The following SUPT3H variants were observed in gnomAD, a reference collection of about 807,000 sequenced individuals.
SUPT3H encodes the protein SPT3 homolog, SAGA and STAGA complex component.
A neutral mutation model predicts 44.3 loss-of-function variants in SUPT3H; 44 were observed. That is an observed-to-expected ratio of 0.99 (90% confidence interval 0.78 to 1.28). The LOEUF is 1.28. SUPT3H is among the 50% of genes most tolerant of loss of function. The pLI is 0.00. For missense variants in SUPT3H, 380 were observed against 387.1 expected, an observed-to-expected ratio of 0.98 and a Z score of 0.15; for synonymous variants, 124 against 125.6, an observed-to-expected ratio of 0.99 and a Z score of 0.09.
At chr6:45,324,832 A>G (rs114728934) in intron 2 of SUPT3H, among the ~76,000 whole-genome samples, 2,652 of 152,130 alleles carry the variant, frequency 0.017, 49 homozygotes, top group South Asian at 0.085. Context: ...AAAGTACTAC[A>G]AAACAATGCC....
chr6:45,247,933 T>C (rs1034344117), intron 2 of SUPT3H, among the ~76,000 whole-genome samples: 10 of 152,092 alleles, frequency 6.6e-5, no homozygotes, highest in Non-Finnish European at 1.5e-5. Flanking sequence ...ATATAGTCAA[T>C]TGACTGTTCA....
intron 2 of SUPT3H, among the ~76,000 whole-genome samples, chr6:45,115,298 T>A (rs1187707371): frequency 6.6e-6 from 1 of 152,140 alleles, no homozygotes; most frequent in Admixed American, 6.5e-5. Context: ...TTTTGTACCA[T>A]CAGATCTTTA....
chr6:45,059,011 G>C (rs190521786), intron 3 of SUPT3H, among the ~76,000 whole-genome samples: 47 of 152,152 alleles, frequency 3.1e-4, no homozygotes, highest in African/African-American at 1.1e-3. Context: ...TTATAATATA[G>C]GTGTAAGATA....
chr6:45,124,177 A>G (rs1263106301), intron 2 of SUPT3H, among the ~76,000 whole-genome samples: 1 of 152,238 alleles, frequency 6.6e-6, no homozygotes, highest in Non-Finnish European at 1.5e-5. Flanking sequence ...GTATTTGAGT[A>G]AGAGCTTGAG....
At chr6:45,183,072 C>T (rs1204084699) in intron 2 of SUPT3H, among the ~76,000 whole-genome samples, 1 of 152,160 alleles carries the variant, frequency 6.6e-6, no homozygotes, top group Non-Finnish European at 1.5e-5. Flanking sequence ...GTGGCAACAA[C>T]CTAAGTGTCA....
At chr6:44,913,726 A>G (rs1767401721) in intron 10 of SUPT3H, among the ~76,000 whole-genome samples, 2 of 152,246 alleles carry the variant, frequency 1.3e-5, no homozygotes, top group Admixed American at 6.5e-5. Context: ...GAGAACACAC[A>G]TTCATCTAAC....
At chr6:45,149,844 T>C (rs563366661) in intron 2 of SUPT3H, among the ~76,000 whole-genome samples, 126 of 152,330 alleles carry the variant, frequency 8.3e-4, no homozygotes, top group Non-Finnish European at 1.6e-3. Context: ...CCCATCCTTA[T>C]TCAGCGATAC....
chr6:45,205,270 C>T (rs1168716667), intron 2 of SUPT3H, among the ~76,000 whole-genome samples: 2 of 151,996 alleles, frequency 1.3e-5, no homozygotes, highest in Non-Finnish European at 2.9e-5. Flanking sequence ...AGTAGTATGC[C>T]CTAAGTTACT....
intron 6 of SUPT3H, among the ~76,000 whole-genome samples, chr6:44,985,217 A>AAAT (rs1252264143): frequency 2.4e-5 from 3 of 126,466 alleles, no homozygotes; most frequent in African/African-American, 9.0e-5. Context: ...ATAAATAAAT[A>AAAT]AAATAAAATA....
At chr6:45,308,689 T>C (rs1783483073) in intron 2 of SUPT3H, among the ~76,000 whole-genome samples, 1 of 149,470 alleles carries the variant, frequency 6.7e-6, no homozygotes, top group African/African-American at 2.5e-5. Flanking sequence ...CATGTAAACA[T>C]ATGTAAGAAA....
chr6:45,172,235 G>A (rs1015597945), intron 2 of SUPT3H, among the ~76,000 whole-genome samples: 5 of 151,612 alleles, frequency 3.3e-5, no homozygotes, highest in African/African-American at 1.2e-4. Context: ...ACCACGCCCA[G>A]CTAATTTTTG....
chr6:45,164,283 TAAAG>T (rs1424934632), intron 2 of SUPT3H, among the ~76,000 whole-genome samples: 3 of 152,164 alleles, frequency 2.0e-5, no homozygotes, highest in Non-Finnish European at 4.4e-5. Context: ...TTTTGTTAAA[TAAAG>T]AGAGACTCTA....
intron 10 of SUPT3H, among the ~76,000 whole-genome samples, chr6:44,919,518 C>A (rs1039624873): frequency 6.6e-6 from 1 of 151,040 alleles, no homozygotes; most frequent in Admixed American, 6.6e-5. Context: ...CCACCCTTAA[C>A]CAGGATATCC....
chr6:44,814,314 T>C (rs944840191), intron 11 of SUPT3H, among the ~76,000 whole-genome samples: 1 of 152,064 alleles, frequency 6.6e-6, no homozygotes, highest in African/African-American at 2.4e-5. Flanking sequence ...TATTTAAGGG[T>C]ATATGTTCAC....
chr6:45,276,421 T>G (rs978581869), intron 2 of SUPT3H, among the ~76,000 whole-genome samples: 1 of 152,120 alleles, frequency 6.6e-6, no homozygotes, highest in Non-Finnish European at 1.5e-5. Flanking sequence ...AAATAGTTAT[T>G]GTTCATTTGC....
At chr6:45,070,596 C>A (rs1358150053) in intron 3 of SUPT3H, among the ~76,000 whole-genome samples, 1 of 151,930 alleles carries the variant, frequency 6.6e-6, no homozygotes, top group South Asian at 2.1e-4. Context: ...AAAAAATTGG[C>A]CGGGCATGGC....
intron 3 of SUPT3H, among the ~76,000 whole-genome samples, chr6:45,025,974 A>C (rs1324458515): frequency 6.6e-6 from 1 of 152,094 alleles, no homozygotes; most frequent in Non-Finnish European, 1.5e-5. Flanking sequence ...CTTCCATTGC[A>C]GCTCTTTCTT....
intron 3 of SUPT3H, among the ~76,000 whole-genome samples, chr6:45,050,953 C>T (rs1290788076): frequency 2.9e-5 from 4 of 137,926 alleles, no homozygotes; most frequent in African/African-American, 1.1e-4. Context: ...GGCATGATCT[C>T]GACTCACTGC....
At chr6:45,130,712 CTTTTT>C (rs1194423160) in intron 2 of SUPT3H, among the ~76,000 whole-genome samples, 2 of 88,602 alleles carry the variant, frequency 2.3e-5, no homozygotes, top group Non-Finnish European at 4.3e-5. Context: ...AAAAAAACCA[CTTTTT>C]TTTTTTTTTT....
Sources: allele counts gnomAD v4.1 joint callset (sites outside exome capture counted in the v4.1 genomes callset), GRCh38; gene constraint gnomAD v4.1.1; transcripts MANE v1.5; gene names NCBI Gene and HGNC (gene_info 2026-07-23, HGNC 2026-07-21).